The following TMT1A variants were observed in gnomAD, a reference collection of about 807,000 sequenced individuals.
The protein encoded by TMT1A is thiol S-methyltransferase TMT1A.
At chr12:50,925,619 C>G in the TMT1A span, 1 of 1,424,046 alleles carries the variant, frequency 7.0e-7, no homozygotes, top group Admixed American at 2.6e-5. Flanking sequence ...GTGGCTGAAA[C>G]ATTTTAACAT....
chr12:50,925,295 A>G, the TMT1A span: 5 of 1,614,206 alleles, frequency 3.1e-6, no homozygotes, highest in Non-Finnish European at 4.2e-6. Flanking sequence ...GCCAACTTCA[A>G]GTTCTACCCA....
chr12:50,926,628 A>G, the TMT1A span, among the ~76,000 whole-genome samples: 2 of 152,218 alleles, frequency 1.3e-5, no homozygotes, highest in African/African-American at 2.4e-5. Context: ...CTGTGCTGAT[A>G]CTTAAAAATC....
At chr12:50,931,751 G>A in the TMT1A span, 1 of 150,122 alleles carries the variant, frequency 6.7e-6, no homozygotes, top group African/African-American at 2.4e-5. Context: ...GAGACAGGGA[G>A]ACAGGGTCTC....
At chr12:50,930,004 C>A in the TMT1A span, 2 of 1,614,092 alleles carry the variant, frequency 1.2e-6, no homozygotes, top group Non-Finnish European at 1.7e-6. Context: ...TGCCTGGCAC[C>A]TTCTGTTTGA....
the TMT1A span, chr12:50,925,486 G>A: frequency 1.9e-6 from 3 of 1,614,028 alleles, no homozygotes; most frequent in African/African-American, 4.0e-5. Flanking sequence ...GCTGTGCTCT[G>A]TGAAGAACCA....
chr12:50,927,329 C>A, the TMT1A span, among the ~76,000 whole-genome samples: 3 of 152,202 alleles, frequency 2.0e-5, no homozygotes, highest in South Asian at 4.1e-4. Flanking sequence ...GCCCAACCAT[C>A]AGTTTTATTT....
chr12:50,931,544 T>C, the TMT1A span: 1 of 126,108 alleles, frequency 7.9e-6, no homozygotes, highest in African/African-American at 3.0e-5. Context: ...CTACTAAAGA[T>C]ACAAAAAAAA....
At chr12:50,929,968 T>C in the TMT1A span, 7 of 1,614,056 alleles carry the variant, frequency 4.3e-6, no homozygotes, top group African/African-American at 9.3e-5. Flanking sequence ...GACTTGGAAT[T>C]ACTTCTGGCA....
chr12:50,931,179 G>A, the TMT1A span: 3 of 150,982 alleles, frequency 2.0e-5, no homozygotes, highest in African/African-American at 2.4e-5. Context: ...GGGTCCTGGA[G>A]AAATGGGTTA....
chr12:50,925,282 G>C, the TMT1A span: 3 of 1,614,204 alleles, frequency 1.9e-6, no homozygotes, highest in Non-Finnish European at 2.5e-6. Context: ...CTGTGGCACG[G>C]GGGCCAACTT....
chr12:50,925,544 A>C, the TMT1A span: 1 of 1,610,922 alleles, frequency 6.2e-7, no homozygotes, highest in Non-Finnish European at 8.5e-7. Context: ...CCGGTGAGTG[A>C]AAGGGTGTGA....
At chr12:50,931,736 A>T in the TMT1A span, 1 of 146,330 alleles carries the variant, frequency 6.8e-6, no homozygotes, top group Non-Finnish European at 1.5e-5. Context: ...AAAAAAAAAG[A>T]AGTAGAGACA....
At chr12:50,929,858 A>T in the TMT1A span, 13,403 of 1,504,656 alleles carry the variant, frequency 8.9e-3, 236 homozygotes, top group African/African-American at 0.075. Context: ...AAAATAAATT[A>T]AAAAAGCAGA....
At chr12:50,925,588 G>A in the TMT1A span, 346 of 1,548,904 alleles carry the variant, frequency 2.2e-4, no homozygotes, top group Middle Eastern at 1.6e-3. Context: ...TTATCATAGA[G>A]GGCAGGCCTG....
At chr12:50,932,142 G>A in the TMT1A span, 32 of 152,286 alleles carry the variant, frequency 2.1e-4, no homozygotes, top group African/African-American at 7.7e-4. Flanking sequence ...GAATATTGTA[G>A]ATTGTAGGCA....
the TMT1A span, among the ~76,000 whole-genome samples, chr12:50,927,759 CAGAG>C: frequency 6.6e-6 from 1 of 152,202 alleles, no homozygotes; most frequent in Non-Finnish European, 1.5e-5. Flanking sequence ...GAAACAGACT[CAGAG>C]AGATTAAGGA....
At chr12:50,925,629 T>C in the TMT1A span, 22 of 1,381,858 alleles carry the variant, frequency 1.6e-5, no homozygotes, top group Non-Finnish European at 2.0e-5. Flanking sequence ...CATTTTAACA[T>C]AAAAAGTAAA....
At chr12:50,925,434 G>A in the TMT1A span, 5 of 1,614,236 alleles carry the variant, frequency 3.1e-6, no homozygotes, top group Admixed American at 8.3e-5. Context: ...ACATGCACCA[G>A]GTGGCTGATG....
At chr12:50,926,462 GCA>G in the TMT1A span, among the ~76,000 whole-genome samples, 1 of 152,140 alleles carries the variant, frequency 6.6e-6, no homozygotes, top group South Asian at 2.1e-4. Context: ...TTATCCACAT[GCA>G]AAAACTTGTC....
Sources: allele counts gnomAD v4.1 joint callset (sites outside exome capture counted in the v4.1 genomes callset), GRCh38; gene constraint gnomAD v4.1.1; transcripts MANE v1.5; gene names NCBI Gene and HGNC (gene_info 2026-07-23, HGNC 2026-07-21).